Variants in SYBU observed in about 807,000 individuals in gnomAD.
The protein encoded by SYBU is GOLSYN A protein.
SYBU carries 21 observed loss-of-function variants against 35.9 expected under a neutral mutation model. The ratio of observed to expected loss-of-function variants is 0.58; its 90% CI spans 0.41 to 0.84. The LOEUF (loss-of-function observed/expected upper bound fraction) is 0.84, where lower values mean the gene tolerates loss of function less well. SYBU is among the 40% of genes least tolerant of loss of function. The pLI, the probability that SYBU is intolerant of heterozygous loss-of-function variation, is 0.00. For synonymous variants in SYBU, 319 were observed against 324.3 expected (o/e 0.98, Z 0.18); for missense variants, 768 against 848.2 (o/e 0.91, Z 1.17).
chr8:109,654,227 G>C (rs948504809), intron 1 of SYBU, among the ~76,000 whole-genome samples: 7 of 152,148 alleles, frequency 4.6e-5, no homozygotes, highest in African/African-American at 1.7e-4. Flanking sequence ...CTTGTCTAGA[G>C]TATATGTCTC....
upstream of SYBU, among the ~76,000 whole-genome samples, chr8:109,681,159 G>A (rs1301552439): frequency 2.0e-5 from 3 of 152,186 alleles, no homozygotes; most frequent in East Asian, 1.9e-4. Flanking sequence ...GAAAAGAAAT[G>A]TTTCACTTCT....
chr8:109,666,830 T>C (rs1189585178), intron 1 of SYBU, among the ~76,000 whole-genome samples: 2 of 152,210 alleles, frequency 1.3e-5, no homozygotes, highest in African/African-American at 2.4e-5. Context: ...TAATAAACTA[T>C]ACTACATTTA....
In SYBU at chr8:109,607,877, T is replaced by A. The variant is rs1025264977; in HGVS notation, c.427+10965A>T. Reference sequence around the variant, plus strand: ...ACAGTCTAGCCTCTGTGATCCAATATAATTATTTACTTACTGTGACTAATA... The same window carrying A: ...ACAGTCTAGCCTCTGTGATCCAATAAAATTATTTACTTACTGTGACTAATA... On this transcript the variant is annotated intron_variant, in intron 3 of 6. Transcript: ENST00000276646. 9 of 1,086,016 alleles carry A rather than the reference T, an allele frequency of 8.3e-6. No individual in the cohort carries two copies. In the African/African-American group the frequency reaches 1.1e-4, roughly 13 times the overall value. 67.3% of individuals were successfully genotyped at this position (1,086,016 alleles called of 1,614,324 possible).
chr8:109,676,969 C>T (rs955189281), intron 1 of SYBU, among the ~76,000 whole-genome samples: 1 of 152,020 alleles, frequency 6.6e-6, no homozygotes, highest in East Asian at 1.9e-4. Flanking sequence ...ATCTCTCACT[C>T]GCTCTTTGTC....
chr8:109,588,502 G>A (rs1484428561), intron 3 of SYBU, among the ~76,000 whole-genome samples: 2 of 152,130 alleles, frequency 1.3e-5, no homozygotes, highest in Admixed American at 1.3e-4. Flanking sequence ...TATTTGAATA[G>A]TACGATAGTG....
chr8:109,685,518 A>T (rs1278507183), upstream of SYBU, among the ~76,000 whole-genome samples: 1 of 152,238 alleles, frequency 6.6e-6, no homozygotes, highest in Admixed American at 6.5e-5. Flanking sequence ...AAAATCAAAC[A>T]GGTCCGGTCC....
intron 3 of SYBU, among the ~76,000 whole-genome samples, chr8:109,599,523 A>G (rs899887984): frequency 3.9e-5 from 6 of 152,196 alleles, no homozygotes; most frequent in Non-Finnish European, 8.8e-5. Context: ...ACGCACAGTA[A>G]TGTTGAGAAA....
chr8:109,598,541 C>A lies in SYBU; in HGVS notation c.428-12379G>T, dbSNP rs572346834. On this transcript the variant is annotated intron_variant, in intron 3 of 6. Coordinates refer to ENST00000276646, the MANE Select transcript of SYBU (RefSeq NM_001099754.2). The stretch of plus-strand genomic sequence containing the variant: ...ATATGGAATTTTTGTGAGAATTAAA[C>A]GCCATAATATGAACTACTGTAAGTG... Among the ~76,000 whole-genome samples, 49 of 152,268 alleles carry A rather than the reference C, an allele frequency of 3.2e-4. No individual in the cohort carries two copies. In the East Asian group the frequency reaches 9.3e-3, roughly 29 times the overall value.
At chr8:109,586,304 A>C in intron 3 of SYBU, 142 bp from the exon 4 acceptor site, 1 of 621,066 alleles carries the variant, frequency 1.6e-6, no homozygotes, top group Non-Finnish European at 2.8e-6. Context: ...CCAGGCTCAC[A>C]GCATTTTCCT....
intron 1 of SYBU, among the ~76,000 whole-genome samples, chr8:109,651,369 CT>C (rs1414601005): frequency 6.7e-6 from 1 of 149,830 alleles, no homozygotes; most frequent in Non-Finnish European, 1.5e-5. Flanking sequence ...TTTCCCAAGT[CT>C]GGAAAAACAT....
At chr8:109,587,014 AG>A (rs1455207741) in intron 3 of SYBU, among the ~76,000 whole-genome samples, 7 of 152,188 alleles carry the variant, frequency 4.6e-5, no homozygotes, top group Non-Finnish European at 8.8e-5. Context: ...TGGGGAAGTA[AG>A]GGGAGGTGGA....
chr8:109,587,883 G>C (rs1265992985), intron 3 of SYBU, among the ~76,000 whole-genome samples: 1 of 152,160 alleles, frequency 6.6e-6, no homozygotes, highest in Non-Finnish European at 1.5e-5. Context: ...CAGAGACTTT[G>C]TCTAATGATG....
At chr8:109,607,388 G>A (rs1826171782) in intron 3 of SYBU, among the ~76,000 whole-genome samples, 1 of 152,294 alleles carries the variant, frequency 6.6e-6, no homozygotes, top group Non-Finnish European at 1.5e-5. Flanking sequence ...AGGCAGACAT[G>A]GGTATTCCCT....
At chr8:109,686,976 TTAAAAGCTGAA>T (rs1479121814) in intron 1 of SYBU, among the ~76,000 whole-genome samples, 1 of 152,174 alleles carries the variant, frequency 6.6e-6, no homozygotes, top group African/African-American at 2.4e-5. Context: ...TTTGGTTAAT[TTAAAAGCTGAA>T]TTAAATATTA....
At chr8:109,664,779 G>C (rs1816698629) in intron 1 of SYBU, among the ~76,000 whole-genome samples, 1 of 152,116 alleles carries the variant, frequency 6.6e-6, no homozygotes. Context: ...ACTGGGTGTT[G>C]GGAGGAATGG....
At chr8:109,619,578 C>T (rs1406441926) in intron 2 of SYBU, among the ~76,000 whole-genome samples, 1 of 152,180 alleles carries the variant, frequency 6.6e-6, no homozygotes, top group Non-Finnish European at 1.5e-5. Context: ...TTTGTCAAAA[C>T]ATAAAGACAT....
intron 1 of SYBU, among the ~76,000 whole-genome samples, chr8:109,688,618 C>A (rs1280501294): frequency 6.6e-6 from 1 of 152,046 alleles, no homozygotes; most frequent in Non-Finnish European, 1.5e-5. Flanking sequence ...AGTGAGGTAT[C>A]TTTATGAACA....
At chr8:109,602,005 TG>T (rs1825585348) in intron 3 of SYBU, among the ~76,000 whole-genome samples, 1 of 151,978 alleles carries the variant, frequency 6.6e-6, no homozygotes, top group South Asian at 2.1e-4. Context: ...TGGAGGCTGG[TG>T]GGGAATTCAG....
chr8:109,642,629 T>C, intron 2 of SYBU, 99 bp downstream of exon 2: 1 of 673,182 alleles, frequency 1.5e-6, no homozygotes, highest in Non-Finnish European at 2.3e-6. Flanking sequence ...ATAGTAGAAG[T>C]GTAGTTCTAG....
Sources: allele counts gnomAD v4.1 joint callset (sites outside exome capture counted in the v4.1 genomes callset), GRCh38; gene constraint gnomAD v4.1.1; transcripts MANE v1.5; gene names NCBI Gene and HGNC (gene_info 2026-07-23, HGNC 2026-07-21).